Variants in AK5 observed in about 807,000 individuals in gnomAD.
AK5 encodes the protein adenylate kinase isoenzyme 5.
Under a neutral mutation model 69.5 loss-of-function variants are expected in AK5, and 27 were observed. The observed-to-expected ratio is 0.39, with a 90% CI of 0.29 to 0.54. The LOEUF (loss-of-function observed/expected upper bound fraction) is 0.54. AK5 is among the 20% of genes least tolerant of loss of function. The probability of loss-of-function intolerance (pLI) is 0.71; values close to 1 mark genes in which losing one functional copy is unlikely to be tolerated. For missense variants in AK5, 531 were observed against 700.4 expected (o/e 0.76, Z 2.73); for synonymous variants, 260 against 244.4 (o/e 1.06, Z -0.60).
At chr1:77,406,754 C>T (rs959443597) in intron 6 of AK5, among the ~76,000 whole-genome samples, 2 of 146,350 alleles carry the variant, frequency 1.4e-5, no homozygotes, top group African/African-American at 5.2e-5. Context: ...ACCTGGTGCT[C>T]ACACCAGGCT....
At chr1:77,486,417 C>G in intron 10 of AK5, 65 bp downstream of exon 10, 1 of 1,272,358 alleles carries the variant, frequency 7.9e-7, no homozygotes, top group South Asian at 1.2e-5. Context: ...GGTAGTGGGC[C>G]AGGTGCGGTG....
chr1:77,554,628 C>T (rs867182018), intron 13 of AK5, among the ~76,000 whole-genome samples: 3 of 151,386 alleles, frequency 2.0e-5, no homozygotes, highest in African/African-American at 4.9e-5. Flanking sequence ...TTGTTTGAGA[C>T]GGAGTCTCAC....
At chr1:77,463,286 C>T (rs941357972) in intron 8 of AK5, among the ~76,000 whole-genome samples, 2 of 152,196 alleles carry the variant, frequency 1.3e-5, no homozygotes, top group African/African-American at 4.8e-5. Flanking sequence ...TGATCATGAT[C>T]AGCTTGGTTC....
rs535060950 is a variant in AK5 at position 77,291,054 on chromosome 1, T to C, written c.248-2739T>C. Among the ~76,000 whole-genome samples the C allele has an allele frequency of 1.6e-4, 25 of 152,230 alleles. No individual in the cohort carries two copies. The South Asian group carries it at 3.5e-3, about 21-fold the overall frequency. ...TTGGAGCAGAAAGCTAAGTGTGTGT[T>C]AGCTAGAGAAGGATGAAAGAGATTG... On this transcript the variant is annotated intron_variant, in intron 2 of 13. Transcript: ENST00000354567.
intron 6 of AK5, among the ~76,000 whole-genome samples, chr1:77,376,981 A>G (rs1647294133): frequency 6.6e-6 from 1 of 152,192 alleles, no homozygotes; most frequent in Non-Finnish European, 1.5e-5. Context: ...CCATTAAATA[A>G]CACTGGTCCG....
Position 77,482,452 on chromosome 1 carries a change from G to C in AK5, c.1060-865G>C, listed in dbSNP as rs541948966. On this transcript the variant is annotated intron_variant, in intron 8 of 13. Transcript: ENST00000354567. ...CTTCCTTTATTTCATGCTTTGGTTCGGGGATTGGCAAATTATGGCTAAATA... is the reference window on the plus strand; with the variant it reads ...CTTCCTTTATTTCATGCTTTGGTTCCGGGATTGGCAAATTATGGCTAAATA... 9.9e-5 allele frequency among the ~76,000 whole-genome samples: 15 copies of C among 152,168 alleles called. No individual in the cohort carries two copies. The South Asian group carries it at 2.9e-3, about 30-fold the overall frequency.
chr1:77,514,950 G>A (rs1657554330), intron 10 of AK5, among the ~76,000 whole-genome samples: 1 of 152,276 alleles, frequency 6.6e-6, no homozygotes, highest in South Asian at 2.1e-4. Flanking sequence ...CTTTTCAGGA[G>A]CTCAGCCACT....
chr1:77,471,290 A>G (rs543393313), intron 8 of AK5, among the ~76,000 whole-genome samples: 1 of 152,196 alleles, frequency 6.6e-6, no homozygotes, highest in East Asian at 1.9e-4. Context: ...CACATCCCCT[A>G]AGCCCTAAGA....
Position 77,282,190 on chromosome 1 carries a change from C to T in AK5, c.-124C>T. 2 of 839,970 alleles carry T rather than the reference C, an allele frequency of 2.4e-6. No homozygotes were observed. The highest frequency in any genetic ancestry group is 3.6e-6 in the Non-Finnish European group (2 of 563,190). 52.0% of individuals were successfully genotyped at this position (839,970 alleles called of 1,614,324 possible). ...GGGCGGAGAGGCTGAGCTGAGTGCG[C>T]GTGAGAAAGAGGGCTGCACCGCTGC... On this transcript the variant is annotated 5_prime_UTR_variant, in exon 1 of 14. Transcript: ENST00000354567.
At chr1:77,533,607 C>T (rs1269642145) in intron 12 of AK5, among the ~76,000 whole-genome samples, 1 of 151,262 alleles carries the variant, frequency 6.6e-6, no homozygotes, top group Non-Finnish European at 1.5e-5. Context: ...AAATGACATG[C>T]TGCTGGTCCG....
At position 77,411,645 on chromosome 1, in the gene AK5, C is replaced by T. The variant is rs190686355; in HGVS notation, c.982+574C>T. On this transcript the variant is annotated intron_variant, in intron 7 of 13. Transcript: ENST00000354567. Reference sequence around the variant, plus strand: ...TTCTCTCCGTACTCTGACCCTGAGCCAACTCATTGTCACAGGTGGCTTCAA... The same window carrying T: ...TTCTCTCCGTACTCTGACCCTGAGCTAACTCATTGTCACAGGTGGCTTCAA... 2.6e-5 allele frequency among the ~76,000 whole-genome samples: 4 copies of T among 152,296 alleles called. No homozygotes were observed. In the East Asian group the frequency reaches 7.7e-4, roughly 29 times the overall value.
At chr1:77,410,285 T>G (rs1485464823) in intron 6 of AK5, among the ~76,000 whole-genome samples, 4 of 151,962 alleles carry the variant, frequency 2.6e-5, no homozygotes, top group Non-Finnish European at 5.9e-5. Flanking sequence ...TTGTTGTTGT[T>G]GTTGTTTTTG....
At chr1:77,284,234 C>T (rs1658223249) in intron 1 of AK5, among the ~76,000 whole-genome samples, 1 of 152,168 alleles carries the variant, frequency 6.6e-6, no homozygotes, top group Admixed American at 6.5e-5. Flanking sequence ...CTATGCGCAG[C>T]TCAAGAGGGA....
chr1:77,367,779 AATATATGTTATATATG>A lies in AK5; in HGVS notation c.891+27212_891+27227del, dbSNP rs1243877870. On this transcript the variant is annotated intron_variant, in intron 6 of 13. Coordinates refer to ENST00000354567, the MANE Select transcript of AK5 (RefSeq NM_174858.3). ...GTTATATATAATATATGTTATATAT[AATATATGTTATATATG>A]TTATATATAATATATGTTATATATA... 3.2e-3 allele frequency among the ~76,000 whole-genome samples: 33 copies of A among 10,420 alleles called. 1 individual carries two copies. The highest frequency in any genetic ancestry group is 8.0e-3 in the African/African-American group (33 of 4,124). 6.8% of individuals were successfully genotyped at this position (10,420 alleles called of 152,430 possible).
intron 13 of AK5, among the ~76,000 whole-genome samples, chr1:77,551,482 G>T (rs1251654246): frequency 1.3e-5 from 2 of 152,218 alleles, no homozygotes; most frequent in Non-Finnish European, 1.5e-5. Flanking sequence ...GCAATAAGCA[G>T]GTTTTTAATT....
At chr1:77,464,207 A>G (rs945397980) in intron 8 of AK5, among the ~76,000 whole-genome samples, 1 of 152,134 alleles carries the variant, frequency 6.6e-6, no homozygotes, top group Non-Finnish European at 1.5e-5. Flanking sequence ...AAAAGGGGGA[A>G]ACAGGGACTC....
chr1:77,357,206 A>G (rs1295191110), intron 6 of AK5, among the ~76,000 whole-genome samples: 5 of 151,924 alleles, frequency 3.3e-5, no homozygotes, highest in Non-Finnish European at 7.4e-5. Context: ...AAGGAACTCA[A>G]TGATAAATAT....
At chr1:77,309,289 A>T (rs1438507365) in intron 5 of AK5, among the ~76,000 whole-genome samples, 1 of 152,088 alleles carries the variant, frequency 6.6e-6, no homozygotes, top group Non-Finnish European at 1.5e-5. Flanking sequence ...AGGGAAGTCT[A>T]TAGCAAATCT....
chr1:77,311,723 A>G (rs1303536607), intron 5 of AK5, among the ~76,000 whole-genome samples: 3 of 152,174 alleles, frequency 2.0e-5, no homozygotes, highest in Non-Finnish European at 4.4e-5. Context: ...CTTTGAAGGC[A>G]GAAGAACCAG....
Sources: gnomAD v4.1 joint callset for allele counts (sites outside exome capture counted in the v4.1 genomes callset) on GRCh38, gnomAD v4.1.1 for gene constraint, MANE v1.5 for transcripts, NCBI Gene and HGNC (gene_info 2026-07-23, HGNC 2026-07-21) for gene names.